SNRK: variants seen among roughly 807,000 people sequenced by gnomAD.
SNRK encodes the protein SNF-related serine/threonine-protein kinase.
In SNRK, 3 loss-of-function variants were observed where a neutral mutation model predicts 48.2. That is an observed-to-expected ratio of 0.06 (90% CI 0.03 to 0.16). The LOEUF (loss-of-function observed/expected upper bound fraction) is 0.16, where lower values mean the gene tolerates loss of function less well. Ranked by LOEUF, SNRK falls within the 10% of genes least tolerant of loss-of-function variation. The probability of loss-of-function intolerance (pLI) is 1.00; values close to 1 mark genes in which losing one functional copy is unlikely to be tolerated. For missense variants in SNRK, 627 were observed against 976.0 expected (o/e 0.64, Z 4.76); for synonymous variants, 376 against 366.1 (o/e 1.03, Z -0.31).
rs907420095 is a variant in SNRK, at chr3:43,349,271, C to G, written c.*714C>G. Reference sequence around the variant, plus strand: ...TTCCCCTGTAGTGATAAATTACAAGCAGACAATCTTATTTTGTAATGTGAT... The same window carrying G: ...TTCCCCTGTAGTGATAAATTACAAGGAGACAATCTTATTTTGTAATGTGAT... On this transcript the variant is annotated 3_prime_UTR_variant, in exon 7 of 7. Transcript: ENST00000296088. 2.0e-5 allele frequency: 3 copies of G among 152,642 alleles called. No individual in the cohort carries two copies. Among genetic ancestry groups the G allele is most frequent in the Admixed American group, 2.0e-4 (3 of 15,292 alleles). The allele number at this position is 152,642 out of a possible 1,614,324, so 9.5% of individuals were successfully genotyped here.
chr3:43,350,154 C>T lies in SNRK; in HGVS notation c.*1597C>T, dbSNP rs145601358. 280 of 152,740 alleles carry T rather than the reference C, an allele frequency of 1.8e-3. No homozygotes were observed. The highest frequency in any genetic ancestry group is 6.4e-3 in the African/African-American group (266 of 41,564). The allele number at this position is 152,740 out of a possible 1,614,324, so 9.5% of individuals were successfully genotyped here. ...ATACTTAAAATACTTATTTTACTTT[C>T]TAGACCTAGGCTAGATGTTTTAAGC... On this transcript the variant is annotated 3_prime_UTR_variant, in exon 7 of 7. Transcript: ENST00000296088.
At chr3:43,300,130 A>G (rs926398685) in intron 2 of SNRK, among the ~76,000 whole-genome samples, 14 of 152,174 alleles carry the variant, frequency 9.2e-5, no homozygotes, top group Non-Finnish European at 4.4e-5. Flanking sequence ...TATAAAAAGT[A>G]AATTATTTGG....
chr3:43,297,558 G>A (rs761868128), intron 1 of SNRK, among the ~76,000 whole-genome samples: 19 of 150,366 alleles, frequency 1.3e-4, no homozygotes, highest in Non-Finnish European at 2.4e-4. Flanking sequence ...TATCATAAAG[G>A]GTGGGATAAT....
At chr3:43,326,360 G>A (rs756277344) in intron 3 of SNRK, among the ~76,000 whole-genome samples, 2 of 152,048 alleles carry the variant, frequency 1.3e-5, no homozygotes, top group East Asian at 3.9e-4. Context: ...TTTTGAGGGG[G>A]CCCCACAATA....
rs555666789 is a variant in SNRK at position 43,314,299 on chromosome 3, C to T, written c.589+10507C>T. Among the ~76,000 whole-genome samples the T allele has an allele frequency of 2.8e-4, 42 of 152,172 alleles. No individual in the cohort carries two copies. The South Asian group carries it at 8.1e-3, about 29-fold the overall frequency. On this transcript the variant is annotated intron_variant, in intron 3 of 6. Transcript: ENST00000296088. Reference sequence around the variant, plus strand: ...TTTATTTATTTGGCTTAACTTACTACGTGTAAAGAACATTTTAAAATCCAG... The same window carrying T: ...TTTATTTATTTGGCTTAACTTACTATGTGTAAAGAACATTTTAAAATCCAG...
chr3:43,309,584 C>T (rs2090963673), intron 3 of SNRK, among the ~76,000 whole-genome samples: 2 of 151,096 alleles, frequency 1.3e-5, no homozygotes, highest in South Asian at 4.2e-4. Context: ...TGCCTTGACT[C>T]ATTGAAGGCT....
chr3:43,333,820 C>G lies in SNRK; in HGVS notation c.731+1510C>G, dbSNP rs188236931. ...AGAACAGTTCCTAGTATCTTAGTAG[C>G]TGTCTGTGTCTCCCTCCTAGAAGGA... On this transcript the variant is annotated intron_variant, in intron 4 of 6. Coordinates refer to ENST00000296088, the MANE Select transcript of SNRK (RefSeq NM_017719.5). Among the ~76,000 whole-genome samples the G allele has an allele frequency of 2.9e-3, 442 of 152,188 alleles. 1 individual carries two copies. The highest frequency in any genetic ancestry group is 0.01 in the African/African-American group (426 of 41,518).
chr3:43,324,324 A>G (rs943617955), intron 3 of SNRK, among the ~76,000 whole-genome samples: 4 of 152,166 alleles, frequency 2.6e-5, no homozygotes, highest in Non-Finnish European at 4.4e-5. Context: ...CCTGGCCAAC[A>G]TGGTGAAACC....
chr3:43,338,019 C>T (rs771201458), intron 4 of SNRK, among the ~76,000 whole-genome samples: 8 of 152,144 alleles, frequency 5.3e-5, no homozygotes, highest in Non-Finnish European at 1.0e-4. Context: ...CAAAGTGCTG[C>T]GATGACGGGT....
At chr3:43,318,035 T>C (rs1435940860) in intron 3 of SNRK, among the ~76,000 whole-genome samples, 1 of 152,220 alleles carries the variant, frequency 6.6e-6, no homozygotes, top group Non-Finnish European at 1.5e-5. Context: ...GCTTTATGTT[T>C]CTATGGTGTT....
At chr3:43,328,276 C>T (rs916634572) in intron 3 of SNRK, among the ~76,000 whole-genome samples, 2 of 151,696 alleles carry the variant, frequency 1.3e-5, no homozygotes, top group Admixed American at 6.6e-5. Flanking sequence ...GTGGTCTATA[C>T]CTTAGGAGTT....
At chr3:43,319,457 C>G (rs1363055301) in intron 3 of SNRK, among the ~76,000 whole-genome samples, 1 of 151,714 alleles carries the variant, frequency 6.6e-6, no homozygotes, top group Non-Finnish European at 1.5e-5. Context: ...AGTAGGCATA[C>G]TATTTTGCTG....
chr3:43,329,517 A>G (rs2091129833), intron 3 of SNRK, among the ~76,000 whole-genome samples: 1 of 152,122 alleles, frequency 6.6e-6, no homozygotes, highest in South Asian at 2.1e-4. Flanking sequence ...TGGGAGAGTC[A>G]TTTGCCCTCT....
At chr3:43,310,836 C>T (rs1471076385) in intron 3 of SNRK, among the ~76,000 whole-genome samples, 1 of 152,136 alleles carries the variant, frequency 6.6e-6, no homozygotes, top group African/African-American at 2.4e-5. Context: ...TTTATTTTAA[C>T]AGTTCCGAAA....
intron 3 of SNRK, among the ~76,000 whole-genome samples, chr3:43,321,883 T>G (rs2091056388): frequency 6.6e-6 from 1 of 152,228 alleles, no homozygotes; most frequent in African/African-American, 2.4e-5. Flanking sequence ...CTGTGTGACT[T>G]AATGAGCAGG....
At chr3:43,331,713 A>G (rs2091147918) in intron 3 of SNRK, among the ~76,000 whole-genome samples, 1 of 152,138 alleles carries the variant, frequency 6.6e-6, no homozygotes, top group Non-Finnish European at 1.5e-5. Flanking sequence ...AAATGACATG[A>G]GTTACATCAC....
chr3:43,321,679 A>T (rs147669114), intron 3 of SNRK, among the ~76,000 whole-genome samples: 1 of 152,230 alleles, frequency 6.6e-6, no homozygotes, highest in Non-Finnish European at 1.5e-5. Context: ...AGAATCATGA[A>T]ATCATCATCA....
chr3:43,332,912 G>A (rs887182419), intron 4 of SNRK: 2 of 152,156 alleles, frequency 1.3e-5, no homozygotes, highest in Admixed American at 1.3e-4. Context: ...GAGAAATATA[G>A]TAATGGAATA....
intron 4 of SNRK, among the ~76,000 whole-genome samples, chr3:43,337,993 C>A (rs886387815): frequency 3.3e-5 from 5 of 152,250 alleles, no homozygotes; most frequent in African/African-American, 9.6e-5. Flanking sequence ...CAAGCAGTCC[C>A]TCCGCCTCAG....
Sources: allele counts gnomAD v4.1 joint callset (sites outside exome capture counted in the v4.1 genomes callset), GRCh38; gene constraint gnomAD v4.1.1; transcripts MANE v1.5; gene names NCBI Gene and HGNC (gene_info 2026-07-23, HGNC 2026-07-21).